The following LMCD1 variants were observed in gnomAD, a reference collection of about 807,000 sequenced individuals.
LMCD1 encodes the protein LIM and cysteine rich domains 1, also known as LIM and cysteine-rich domains protein 1.
In LMCD1, 32 loss-of-function variants were observed where a neutral mutation model predicts 42.7. That is an observed-to-expected ratio of 0.75 (90% confidence interval 0.57 to 1.01). LMCD1 has a LOEUF of 1.01. Among genes scored for constraint, LMCD1 ranks in the 50% least tolerant of loss-of-function variants. The pLI is 0.00. For missense variants in LMCD1, 458 were observed against 483.1 expected, an observed-to-expected ratio of 0.95 and a Z score of 0.49; for synonymous variants, 178 against 184.9, an observed-to-expected ratio of 0.96 and a Z score of 0.30.
chr3:8,566,159 G>A (rs1038510981), intron 5 of LMCD1, among the ~76,000 whole-genome samples: 2 of 152,152 alleles, frequency 1.3e-5, no homozygotes, highest in Admixed American at 6.5e-5. Context: ...TTAGTCTTAC[G>A]ATAATATACT....
chr3:8,553,231 G>A (rs976271349), intron 4 of LMCD1, among the ~76,000 whole-genome samples: 1 of 151,872 alleles, frequency 6.6e-6, no homozygotes, highest in African/African-American at 2.4e-5. Context: ...CCAGCTGTGA[G>A]CTCCCTCGGC....
chr3:8,501,850 A>T lies in LMCD1; in HGVS notation c.-89A>T. 1 of 1,202,870 alleles carries T rather than the reference A, an allele frequency of 8.3e-7. No homozygotes were observed. The highest frequency in any genetic ancestry group is 1.4e-5 in the South Asian group (1 of 72,938). 74.5% of individuals were successfully genotyped at this position (1,202,870 alleles called of 1,614,324 possible). ...ACAGAGCTCCCTCCCAGGCCCGCGA[A>T]CTTGGCCATTCAGCCGCCGCTGTCC... On this transcript the variant is annotated 5_prime_UTR_variant, in exon 1 of 6. Transcript: ENST00000157600.
chr3:8,552,003 C>T (rs1457242205), intron 4 of LMCD1, among the ~76,000 whole-genome samples: 2 of 152,104 alleles, frequency 1.3e-5, no homozygotes, highest in Non-Finnish European at 2.9e-5. Context: ...ACCCCAAAAC[C>T]GAACAGAGAT....
intron 1 of LMCD1, among the ~76,000 whole-genome samples, chr3:8,517,381 A>G (rs968980253): frequency 1.3e-5 from 2 of 152,242 alleles, no homozygotes; most frequent in African/African-American, 4.8e-5. Context: ...TATTACATAT[A>G]TGCAAATATT....
At chr3:8,541,474 G>A (rs919147968) in intron 3 of LMCD1, among the ~76,000 whole-genome samples, 4 of 152,090 alleles carry the variant, frequency 2.6e-5, no homozygotes, top group African/African-American at 7.2e-5. Flanking sequence ...GCTTGAACCC[G>A]GGAGGCAGAG....
chr3:8,509,773 C>T (rs527930851), intron 1 of LMCD1, among the ~76,000 whole-genome samples: 1 of 152,264 alleles, frequency 6.6e-6, no homozygotes, highest in South Asian at 2.1e-4. Flanking sequence ...CTGGTCATCC[C>T]TACAGTGTAA....
At chr3:8,510,819 T>A (rs1693982002) in intron 1 of LMCD1, among the ~76,000 whole-genome samples, 1 of 152,244 alleles carries the variant, frequency 6.6e-6, no homozygotes, top group Non-Finnish European at 1.5e-5. Context: ...TGTATTTTTA[T>A]CTTATGCATT....
At chr3:8,525,554 C>A (rs369300664) in intron 1 of LMCD1, among the ~76,000 whole-genome samples, 1 of 152,114 alleles carries the variant, frequency 6.6e-6, no homozygotes, top group African/African-American at 2.4e-5. Flanking sequence ...CTTTGAGATA[C>A]TGATTTCATT....
chr3:8,504,832 C>T (rs1478505526), intron 1 of LMCD1, among the ~76,000 whole-genome samples: 2 of 152,304 alleles, frequency 1.3e-5, no homozygotes, highest in Non-Finnish European at 1.5e-5. Context: ...TGCCATTTTT[C>T]TGGGTGAAAC....
At chr3:8,528,401 G>A (rs1178743244) in intron 1 of LMCD1, among the ~76,000 whole-genome samples, 3 of 152,132 alleles carry the variant, frequency 2.0e-5, no homozygotes, top group East Asian at 1.9e-4. Flanking sequence ...TCACTATGTT[G>A]CACAGGCTGG....
chr3:8,539,101 G>A (rs1002621951), intron 3 of LMCD1, among the ~76,000 whole-genome samples: 4 of 152,142 alleles, frequency 2.6e-5, no homozygotes, highest in African/African-American at 7.2e-5. Flanking sequence ...TGGGGTATGC[G>A]CTACATTCTA....
chr3:8,548,137 C>T (rs1416204140), intron 3 of LMCD1, among the ~76,000 whole-genome samples: 3 of 152,146 alleles, frequency 2.0e-5, no homozygotes, highest in Admixed American at 1.3e-4. Context: ...TGTGGCCCAT[C>T]GTGGACTGAA....
intron 4 of LMCD1, among the ~76,000 whole-genome samples, chr3:8,549,357 G>A (rs1271046368): frequency 1.3e-5 from 2 of 152,166 alleles, no homozygotes; most frequent in Non-Finnish European, 2.9e-5. Context: ...GAAGTCCCAC[G>A]TGATTGAAAG....
chr3:8,516,648 C>G (rs1367611093), intron 1 of LMCD1, among the ~76,000 whole-genome samples: 5 of 152,202 alleles, frequency 3.3e-5, no homozygotes, highest in Non-Finnish European at 4.4e-5. Context: ...TAGCCAAGCC[C>G]TTGACACCAT....
chr3:8,537,034 G>A (rs1190176428), intron 2 of LMCD1, 151 bp from the exon 3 acceptor site: 2 of 765,494 alleles, frequency 2.6e-6, no homozygotes, highest in Non-Finnish European at 2.1e-6. Flanking sequence ...AATTCCAAAG[G>A]CCTTTTTGTC....
At chr3:8,502,569 TAC>T (rs5846600) in intron 1 of LMCD1, among the ~76,000 whole-genome samples, 37,808 of 133,712 alleles carry the variant, frequency 0.28, 5,971 homozygotes, top group East Asian at 0.69. Context: ...TTTCCCCCAA[TAC>T]ACACACACAC....
chr3:8,548,947 C>T (rs1179378460), intron 4 of LMCD1, 44 bp downstream of exon 4: 2 of 1,409,826 alleles, frequency 1.4e-6, no homozygotes, highest in Non-Finnish European at 1.9e-6. Context: ...ACCATGCAGG[C>T]CCAGGGCTGG....
intron 5 of LMCD1, among the ~76,000 whole-genome samples, chr3:8,567,179 T>C (rs1299745453): frequency 6.6e-6 from 1 of 152,156 alleles, no homozygotes; most frequent in Non-Finnish European, 1.5e-5. Context: ...CCAAAGAGTA[T>C]CACAGATACC....
chr3:8,562,528 C>T (rs747191650), intron 4 of LMCD1, among the ~76,000 whole-genome samples: 1 of 152,144 alleles, frequency 6.6e-6, no homozygotes, highest in Non-Finnish European at 1.5e-5. Context: ...CCTTGGGCCT[C>T]GCTGGTCTTA....
Sources: gnomAD v4.1 joint callset for allele counts (sites outside exome capture counted in the v4.1 genomes callset) on GRCh38, gnomAD v4.1.1 for gene constraint, MANE v1.5 for transcripts, NCBI Gene and HGNC (gene_info 2026-07-23, HGNC 2026-07-21) for gene names.